Variants in CYB5A observed in about 807,000 individuals in gnomAD.
The protein encoded by CYB5A is cytochrome b5.
In CYB5A, 10 loss-of-function variants were observed where a neutral mutation model predicts 16.2. The observed-to-expected ratio is 0.62, with a 90% confidence interval of 0.38 to 1.04. The LOEUF is 1.04. Ranked by LOEUF, CYB5A falls within the 50% of genes least tolerant of loss-of-function variation. CYB5A has a pLI of 0.01. For synonymous variants in CYB5A, 62 were observed against 57.0 expected (o/e 1.09, Z -0.40); for missense variants, 161 against 165.9 (o/e 0.97, Z 0.16).
rs981515640 is a variant in CYB5A at position 74,291,838 on chromosome 18, G to A, written c.38C>T (p.Thr13Ile). ...GTTGTGCTTCTGAATCTCCTCTAGGGTGTAGTACTTCACGGCCTCGTCCGA... is the reference window on the plus strand; with the variant it reads ...GTTGTGCTTCTGAATCTCCTCTAGGATGTAGTACTTCACGGCCTCGTCCGA... ...EQSDEAVKYY[T>I]LEEIQKHNHS... Residue 13 changes from threonine (T) to isoleucine (I), a missense_variant, in exon 1 of 5, where the codon ACC becomes ATC. Coordinates refer to ENST00000340533, the MANE Select transcript of CYB5A (RefSeq NM_148923.4). 1 of 1,613,772 alleles carries A rather than the reference G, an allele frequency of 6.2e-7. No homozygotes were observed. The highest frequency in any genetic ancestry group is 1.1e-5 in the South Asian group (1 of 91,078).
chr18:74,270,267 CA>C (rs757312792), intron 1 of CYB5A, among the ~76,000 whole-genome samples: 5 of 152,116 alleles, frequency 3.3e-5, no homozygotes, highest in Non-Finnish European at 7.4e-5. Flanking sequence ...CCATCTAAAG[CA>C]GCCTGCCTGG....
intron 1 of CYB5A, among the ~76,000 whole-genome samples, chr18:74,263,920 GT>G (rs1173225179): frequency 6.6e-6 from 1 of 151,184 alleles, no homozygotes; most frequent in Non-Finnish European, 1.5e-5. Flanking sequence ...AAAGATAAAA[GT>G]AAAAAAAAAT....
chr18:74,268,925 A>G (rs947915458), intron 1 of CYB5A, among the ~76,000 whole-genome samples: 1 of 152,198 alleles, frequency 6.6e-6, no homozygotes, highest in African/African-American at 2.4e-5. Context: ...TTACCCAAAT[A>G]TACCTTGTTC....
At chr18:74,261,353 C>T (rs1982191679) in intron 2 of CYB5A, 1 of 237,578 alleles carries the variant, frequency 4.2e-6, no homozygotes, top group African/African-American at 2.3e-5. Flanking sequence ...CCTGCAGTCT[C>T]CCAGTTTTAG....
At chr18:74,257,884 T>C (rs9966181) in intron 3 of CYB5A, 14,151 of 152,216 alleles carry the variant, frequency 0.093, 1,633 homozygotes, top group African/African-American at 0.27. Context: ...TGCCGCTGCA[T>C]TGCAGCCTGG....
chr18:74,287,571 C>T (rs193056698), intron 1 of CYB5A, among the ~76,000 whole-genome samples: 1 of 152,268 alleles, frequency 6.6e-6, no homozygotes, highest in Admixed American at 6.5e-5. Context: ...AGGCAGAATG[C>T]TGTAAAGAAC....
intron 3 of CYB5A, chr18:74,260,284 C>CT (rs1163146395): frequency 6.5e-6 from 1 of 154,626 alleles, no homozygotes; most frequent in African/African-American, 2.4e-5. Context: ...CCTACTTGTA[C>CT]TTTTCAGGAA....
At chr18:74,266,534 T>C (rs752817459) in intron 1 of CYB5A, among the ~76,000 whole-genome samples, 11 of 152,210 alleles carry the variant, frequency 7.2e-5, no homozygotes, top group Non-Finnish European at 1.5e-4. Context: ...AGTTTTTAGA[T>C]ACAGAATTCT....
chr18:74,274,498 G>A (rs754380967), intron 1 of CYB5A, among the ~76,000 whole-genome samples: 3 of 152,192 alleles, frequency 2.0e-5, no homozygotes, highest in African/African-American at 4.8e-5. Flanking sequence ...GGCAATAATC[G>A]TAAGGAGAAA....
At chr18:74,274,980 T>A (rs1263148205) in intron 1 of CYB5A, among the ~76,000 whole-genome samples, 1 of 152,170 alleles carries the variant, frequency 6.6e-6, no homozygotes, top group Admixed American at 6.5e-5. Context: ...CCCACTTTTG[T>A]CCCTTGCATA....
At chr18:74,256,085 G>C (rs1436973672) in intron 3 of CYB5A, 1 of 326,920 alleles carries the variant, frequency 3.1e-6, no homozygotes, top group Non-Finnish European at 5.7e-6. Flanking sequence ...ACTGAAAACA[G>C]ACATTCATGT....
intron 1 of CYB5A, among the ~76,000 whole-genome samples, chr18:74,281,773 G>A (rs1320961987): frequency 6.6e-6 from 1 of 151,106 alleles, no homozygotes; most frequent in Non-Finnish European, 1.5e-5. Flanking sequence ...GTGTGTATGT[G>A]TGTGTTTCAG....
rs1468900026 is a variant in CYB5A, at chr18:74,252,161, CTG to C, written c.*1421_*1422del. ...CCTATTTGATTATAAAGGTTGTACT[CTG>C]TAAGAACAACACAATTCCTTTCCAC... is the stretch of plus-strand genomic sequence containing the variant. On this transcript the variant is annotated 3_prime_UTR_variant, in exon 5 of 5. Transcript: ENST00000340533. The C allele has an allele frequency of 6.6e-6, 1 of 152,226 alleles. No homozygotes were observed. Among genetic ancestry groups the C allele is most frequent in the Non-Finnish European group, 1.5e-5 (1 of 68,042 alleles). The allele number at this position is 152,226 out of a possible 1,614,324, so 9.4% of individuals were successfully genotyped here.
intron 1 of CYB5A, 44 bp from the exon 2 acceptor site, chr18:74,263,521 ATGAAT>A (rs1329456245): frequency 6.3e-7 from 1 of 1,587,496 alleles, no homozygotes; most frequent in Non-Finnish European, 8.7e-7. Flanking sequence ...TTTCAGGCAA[ATGAAT>A]TAAGAGAAAA....
At chr18:74,288,890 G>T (rs573786292) in intron 1 of CYB5A, among the ~76,000 whole-genome samples, 1 of 152,294 alleles carries the variant, frequency 6.6e-6, no homozygotes, top group East Asian at 1.9e-4. Flanking sequence ...GTCCATAAGA[G>T]GTCGAATCGG....
intron 1 of CYB5A, among the ~76,000 whole-genome samples, chr18:74,283,444 C>G (rs543100327): frequency 6.6e-6 from 1 of 152,170 alleles, no homozygotes; most frequent in African/African-American, 2.4e-5. Context: ...GACTCCACCC[C>G]GACTCCCTCT....
At chr18:74,270,919 T>C (rs1254254517) in intron 1 of CYB5A, among the ~76,000 whole-genome samples, 3 of 152,218 alleles carry the variant, frequency 2.0e-5, no homozygotes, top group African/African-American at 7.2e-5. Flanking sequence ...TAACTCTTAG[T>C]TCAATACCCA....
chr18:74,252,136 C>T lies in CYB5A; in HGVS notation c.*1448G>A, dbSNP rs1327742596. On this transcript the variant is annotated 3_prime_UTR_variant, in exon 5 of 5. Coordinates refer to ENST00000340533, the MANE Select transcript of CYB5A (RefSeq NM_148923.4). ...ACTAAAGAAGGCAAAGGCGGTGCAT[C>T]CTATTTGATTATAAAGGTTGTACTC... The T allele has an allele frequency of 6.6e-6, 1 of 152,186 alleles. No homozygotes were observed. The highest frequency in any genetic ancestry group is 1.5e-5 in the Non-Finnish European group (1 of 68,036). The allele number at this position is 152,186 out of a possible 1,614,324, so 9.4% of individuals were successfully genotyped here.
chr18:74,279,879 C>T (rs1383342382), intron 1 of CYB5A, among the ~76,000 whole-genome samples: 1 of 152,088 alleles, frequency 6.6e-6, no homozygotes, highest in African/African-American at 2.4e-5. Flanking sequence ...TTTCTATGTG[C>T]CAGCATTGTT....
Sources: gnomAD v4.1 joint callset for allele counts (sites outside exome capture counted in the v4.1 genomes callset) on GRCh38, gnomAD v4.1.1 for gene constraint, MANE v1.5 for transcripts, NCBI Gene and HGNC (gene_info 2026-07-23, HGNC 2026-07-21) for gene names.